LRRC53: variants seen among roughly 807,000 people sequenced by gnomAD.
LRRC53 encodes the protein leucine rich repeat containing 53.
In LRRC53, 25 loss-of-function variants were observed where a neutral mutation model predicts 13.6. The ratio of observed to expected loss-of-function variants is 1.83; its 90% CI spans 1.34 to 2.56. The LOEUF is 2.56. Ranked by LOEUF, LRRC53 falls within the 30% of genes most tolerant of loss-of-function variation. LRRC53 has a pLI of 0.00. For missense variants in LRRC53, 527 were observed against 275.8 expected (o/e 1.91, Z -6.45); for synonymous variants, 204 against 109.8 (o/e 1.86, Z -5.37).
At chr1:74,526,005 G>C in the LRRC53 span, among the ~76,000 whole-genome samples, 58 of 152,204 alleles carry the variant, frequency 3.8e-4, no homozygotes, top group Non-Finnish European at 6.3e-4. Flanking sequence ...GGTGTTGTGT[G>C]ATGAGGCAAA....
At chr1:74,476,676 T>C (rs1044076860) in intron 3 of LRRC53, among the ~76,000 whole-genome samples, 1 of 152,132 alleles carries the variant, frequency 6.6e-6, no homozygotes, top group African/African-American at 2.4e-5. Flanking sequence ...TAGGAAGATA[T>C]GGTGTCAGTA....
chr1:74,535,774 A>G, the LRRC53 span, among the ~76,000 whole-genome samples: 2 of 152,184 alleles, frequency 1.3e-5, no homozygotes, highest in African/African-American at 2.4e-5. Context: ...TACCTTCACC[A>G]TTTGAAGACT....
chr1:74,525,241 T>C, the LRRC53 span, among the ~76,000 whole-genome samples: 1 of 152,204 alleles, frequency 6.6e-6, no homozygotes, highest in Non-Finnish European at 1.5e-5. Flanking sequence ...TAGCTAATAC[T>C]GAGCACCTCC....
At position 74,471,509 on chromosome 1, in the gene LRRC53, G is replaced by A; in HGVS notation, c.2113C>T (p.Gln705Ter). The A allele has an allele frequency of 2.5e-6, 1 of 400,588 alleles. No homozygotes were observed. The highest frequency in any genetic ancestry group is 4.4e-6 in the Non-Finnish European group (1 of 226,132). 24.8% of individuals were successfully genotyped at this position (400,588 alleles called of 1,614,324 possible). The change falls in exon 5 of 5, where the codon CAG (glutamine) becomes TAG (stop). Residue 705 changes from glutamine to a stop codon, truncating the protein, a stop_gained. Coordinates refer to ENST00000294635, the MANE Select transcript of LRRC53 (RefSeq NM_001382280.1). LOFTEE classifies it low-confidence loss of function (END_TRUNC). ...SWVLKRKRTP[Q>*]SDLKGKIKGQ... is the part of the protein sequence containing the mutation. ...TTAATTTTCCCTTTGAGGTCAGACT[G>A]AGGGGTTCTCTTCCTTTTCAGAACC... is the stretch of plus-strand genomic sequence containing the variant.
chr1:74,516,696 G>A (rs1487603337), upstream of LRRC53, among the ~76,000 whole-genome samples: 2 of 152,136 alleles, frequency 1.3e-5, no homozygotes, highest in African/African-American at 2.4e-5. Flanking sequence ...CCACAGCTTG[G>A]TTGAGGATGG....
the LRRC53 span, among the ~76,000 whole-genome samples, chr1:74,529,369 A>G: frequency 3.3e-5 from 5 of 152,310 alleles, no homozygotes; most frequent in Non-Finnish European, 5.9e-5. Flanking sequence ...ACCTCTGATA[A>G]AACCAAATTG....
chr1:74,521,009 C>G, the LRRC53 span, among the ~76,000 whole-genome samples: 1 of 152,120 alleles, frequency 6.6e-6, no homozygotes, highest in African/African-American at 2.4e-5. Flanking sequence ...TGTGGGAGCA[C>G]AGATCCACCT....
At chr1:74,520,216 A>G in the LRRC53 span, among the ~76,000 whole-genome samples, 2 of 151,964 alleles carry the variant, frequency 1.3e-5, no homozygotes, top group Admixed American at 6.6e-5. Flanking sequence ...GCATCCTCAT[A>G]TACCTTGATT....
At chr1:74,520,744 G>T in the LRRC53 span, among the ~76,000 whole-genome samples, 4 of 152,248 alleles carry the variant, frequency 2.6e-5, no homozygotes, top group East Asian at 7.7e-4. Context: ...TTGGGACTTG[G>T]TCTATGTGGC....
At chr1:74,503,278 T>C (rs1669728397) in intron 1 of LRRC53, among the ~76,000 whole-genome samples, 1 of 152,218 alleles carries the variant, frequency 6.6e-6, no homozygotes, top group African/African-American at 2.4e-5. Context: ...TAGCTAATTC[T>C]ACTTAGAAAT....
chr1:74,531,372 A>T, the LRRC53 span, among the ~76,000 whole-genome samples: 1 of 152,252 alleles, frequency 6.6e-6, no homozygotes, highest in East Asian at 1.9e-4. Flanking sequence ...ATGGCCATTC[A>T]TAAGAGTCTG....
At chr1:74,520,465 T>C in the LRRC53 span, among the ~76,000 whole-genome samples, 31 of 152,114 alleles carry the variant, frequency 2.0e-4, no homozygotes, top group African/African-American at 5.5e-4. Context: ...GACCTTCTCA[T>C]TTCTGAGGCC....
chr1:74,505,682 C>T (rs923774993), intron 1 of LRRC53, among the ~76,000 whole-genome samples: 3 of 152,106 alleles, frequency 2.0e-5, no homozygotes, highest in Non-Finnish European at 2.9e-5. Flanking sequence ...TAAAAAAACA[C>T]ATTAAACCAG....
At chr1:74,536,927 A>G in the LRRC53 span, among the ~76,000 whole-genome samples, 1 of 152,260 alleles carries the variant, frequency 6.6e-6, no homozygotes, top group South Asian at 2.1e-4. Context: ...CATCTGTGAA[A>G]TGCTTGCTGA....
chr1:74,475,185 T>C (rs935806750), intron 4 of LRRC53, 110 bp downstream of exon 4: 35 of 556,342 alleles, frequency 6.3e-5, no homozygotes, highest in Middle Eastern at 3.1e-4. Context: ...AATAGACTAG[T>C]GCTATAGTGA....
At chr1:74,509,747 C>CTTT (rs68193106) in intron 1 of LRRC53, among the ~76,000 whole-genome samples, 12 of 47,814 alleles carry the variant, frequency 2.5e-4, no homozygotes, top group Admixed American at 3.7e-4. Context: ...ATCTGAATTT[C>CTTT]TTTTTTTTTT....
At chr1:74,495,928 T>C (rs1340989138) in intron 1 of LRRC53, among the ~76,000 whole-genome samples, 1 of 152,112 alleles carries the variant, frequency 6.6e-6, no homozygotes, top group Non-Finnish European at 1.5e-5. Flanking sequence ...GATCAATAGG[T>C]GTTTAAAGTC....
the LRRC53 span, among the ~76,000 whole-genome samples, chr1:74,529,769 G>A: frequency 1.3e-5 from 2 of 152,106 alleles, no homozygotes; most frequent in Non-Finnish European, 2.9e-5. Context: ...TAAATGAAAA[G>A]TTTTTTTAAG....
At chr1:74,533,051 CA>C in the LRRC53 span, among the ~76,000 whole-genome samples, 2 of 152,082 alleles carry the variant, frequency 1.3e-5, no homozygotes, top group Non-Finnish European at 2.9e-5. Context: ...CAACAAAAGC[CA>C]AAATTGACAA....
Sources: allele counts gnomAD v4.1 joint callset (sites outside exome capture counted in the v4.1 genomes callset), GRCh38; gene constraint gnomAD v4.1.1; transcripts MANE v1.5; gene names NCBI Gene and HGNC (gene_info 2026-07-23, HGNC 2026-07-21).